Variants in ANKRD23 observed in about 807,000 individuals in gnomAD.
ANKRD23 encodes ankyrin repeat domain-containing protein 23.
ANKRD23 carries 52 observed loss-of-function variants against 38.1 expected under a neutral mutation model. The observed-to-expected ratio is 1.36, with a 90% CI of 1.09 to 1.72. The LOEUF is 1.72. Among genes scored for constraint, ANKRD23 ranks in the 40% most tolerant of loss-of-function variants. The pLI, the probability that ANKRD23 is intolerant of heterozygous loss-of-function variation, is 0.00. For missense variants in ANKRD23, 416 were observed against 400.2 expected (o/e 1.04, Z -0.34); for synonymous variants, 167 against 162.9 (o/e 1.03, Z -0.19).
chr2:96,839,281 G>C lies in ANKRD23; in HGVS notation c.*268C>G. 8.3e-7 allele frequency: 1 copy of C among 1,208,348 alleles called. No homozygotes were observed. The allele number at this position is 1,208,348 out of a possible 1,614,324, so 74.9% of individuals were successfully genotyped here. A position where few individuals can be genotyped will look rare whatever the true frequency, so the allele number is the denominator to read the frequency against. On this transcript the variant is annotated 3_prime_UTR_variant, in exon 9 of 9. Coordinates refer to ENST00000318357, the MANE Select transcript of ANKRD23 (RefSeq NM_144994.8). ...CTCCTCCCCTTCCTGGCCCTCATCTGGACCCGCGCTTTCTGCTGCCTTGTG... is the reference window on the plus strand; with the variant it reads ...CTCCTCCCCTTCCTGGCCCTCATCTCGACCCGCGCTTTCTGCTGCCTTGTG...
In ANKRD23 at chr2:96,842,385, C is replaced by G; in HGVS notation, c.154G>C (p.Glu52Gln). 1 of 1,532,332 alleles carries G rather than the reference C, an allele frequency of 6.5e-7. No individual in the cohort carries two copies. The highest frequency in any genetic ancestry group is 8.9e-7 in the Non-Finnish European group (1 of 1,127,130). The allele number at this position is 1,532,332 out of a possible 1,614,324, so 94.9% of individuals were successfully genotyped here. Residue 52 changes from glutamate to glutamine, a missense_variant, in exon 2 of 9, where the codon GAA becomes CAA. Glu to Gln is a conservative substitution (Grantham distance 29). Coordinates refer to ENST00000318357, the MANE Select transcript of ANKRD23 (RefSeq NM_144994.8). ...EAVAREKLKL[E>Q]EEKKKKLERF... ...CTCACTTTCTTCTTCTTCTCTTCTT[C>G]CAATTTCAGCTTCTCCCGGGCCACA...
rs992243240 is a variant in ANKRD23 at position 96,839,399 on chromosome 2, C to T, written c.*150G>A. 3.1e-6 allele frequency: 4 copies of T among 1,276,040 alleles called. No homozygotes were observed. The highest frequency in any genetic ancestry group is 3.9e-6 in the Non-Finnish European group (4 of 1,014,810). The allele number at this position is 1,276,040 out of a possible 1,614,324, so 79.0% of individuals were successfully genotyped here. ...TTTGCCTGCTGGGCCCGGTGCCGCT[C>T]TTCAGTTCTGCCAGGGCTGCTGAGG... On this transcript the variant is annotated 3_prime_UTR_variant, in exon 9 of 9. Transcript: ENST00000318357.
In ANKRD23 at chr2:96,840,850, C is replaced by T; in HGVS notation, c.363G>A (p.Glu121=). The change falls in exon 4 of 9, where the codon GAG becomes GAA. Residue 121 remains glutamate, a synonymous_variant. Transcript: ENST00000318357. Reference sequence around the variant, plus strand: ...ACTTGTCAATCAGGTACTCCTGGTTCTCAGCAGCTGCCTTCAGGAACATCT... The same window carrying T: ...ACTTGTCAATCAGGTACTCCTGGTTTTCAGCAGCTGCCTTCAGGAACATCT... ...GLEMFLKAAA[E]NQEYLIDKYL... 6.2e-7 allele frequency: 1 copy of T among 1,614,220 alleles called. No individual in the cohort carries two copies. Among genetic ancestry groups the T allele is most frequent in the Non-Finnish European group, 8.5e-7 (1 of 1,180,034 alleles).
At chr2:96,841,113 G>T in intron 3 of ANKRD23, 1 of 593,354 alleles carries the variant, frequency 1.7e-6, no homozygotes. Flanking sequence ...GTTATGGATT[G>T]ACTTGTATCT....
rs1468596936 is a variant in ANKRD23 at position 96,841,926 on chromosome 2, CTG to C, written c.300+132_300+133del. ...CCTGGCGGACACATCCGCGGGGGCTCTGGAGTGGATTTAATGGGCTCCCCAGG... is the reference window on the plus strand; with the variant it reads ...CCTGGCGGACACATCCGCGGGGGCTCGAGTGGATTTAATGGGCTCCCCAGG... On this transcript the variant is annotated intron_variant, in intron 3 of 8. Transcript: ENST00000318357. 1.1e-5 allele frequency: 15 copies of C among 1,322,890 alleles called. No homozygotes were observed. The East Asian group carries it at 3.3e-4, about 29-fold the overall frequency. The allele number at this position is 1,322,890 out of a possible 1,614,324, so 81.9% of individuals were successfully genotyped here.
chr2:96,843,179 G>A (rs553032909), intron 1 of ANKRD23, among the ~76,000 whole-genome samples: 1 of 152,304 alleles, frequency 6.6e-6, no homozygotes, highest in Non-Finnish European at 1.5e-5. Flanking sequence ...AGAACAGGGT[G>A]GAATGATAGG....
intron 2 of ANKRD23, 43 bp from the exon 3 acceptor site, chr2:96,842,228 C>T (rs1403435654): frequency 6.2e-7 from 1 of 1,612,692 alleles, no homozygotes. Flanking sequence ...AGCCGCTGGT[C>T]AAGAGATCTC....
chr2:96,839,677 G>A (rs1284574568), intron 8 of ANKRD23, 33 bp from the exon 9 acceptor site: 2 of 1,586,670 alleles, frequency 1.3e-6, no homozygotes, highest in East Asian at 2.3e-5. Context: ...GTCCCTTGCA[G>A]GCGCTCCACC....
chr2:96,838,536 T>A lies in ANKRD23; in HGVS notation c.*1013A>T, dbSNP rs1416992113. ...CCCTGTGGGCTGGGTTCAGAGCTCC[T>A]CAGTGTCCTGGCCTCCCAGGTGGGA... is the stretch of plus-strand genomic sequence containing the variant. On this transcript the variant is annotated 3_prime_UTR_variant, in exon 9 of 9. Coordinates refer to ENST00000318357, the MANE Select transcript of ANKRD23 (RefSeq NM_144994.8). 1.0e-6 allele frequency: 1 copy of A among 985,736 alleles called. No homozygotes were observed. The highest frequency in any genetic ancestry group is 1.2e-6 in the Non-Finnish European group (1 of 830,264). The allele number at this position is 985,736 out of a possible 1,614,324, so 61.1% of individuals were successfully genotyped here.
intron 8 of ANKRD23, 37 bp from the exon 9 acceptor site, chr2:96,839,681 C>T: frequency 1.3e-6 from 2 of 1,589,468 alleles, no homozygotes; most frequent in South Asian, 1.1e-5. Context: ...CTTGCAGGCG[C>T]TCCACCCGCC....
In ANKRD23 at chr2:96,838,768, G is replaced by C; in HGVS notation, c.*781C>G. On this transcript the variant is annotated 3_prime_UTR_variant, in exon 9 of 9. Transcript: ENST00000318357. ...ACGGTGTGCCAGGCCGGCCTGAGCG[G>C]GGCCAGTACACAGTGGGTGCGAGGC... 1 of 985,596 alleles carries C rather than the reference G, an allele frequency of 1.0e-6. No individual in the cohort carries two copies. Among genetic ancestry groups the C allele is most frequent in the Non-Finnish European group, 1.2e-6 (1 of 830,060 alleles). 61.1% of individuals were successfully genotyped at this position (985,596 alleles called of 1,614,324 possible).
rs1265323588 is a variant in ANKRD23 at position 96,839,801 on chromosome 2, C to T, written c.748G>A (p.Ala250Thr). The T allele has an allele frequency of 6.2e-7, 1 of 1,613,172 alleles. No individual in the cohort carries two copies. Among genetic ancestry groups the T allele is most frequent in the Admixed American group, 1.7e-5 (1 of 60,016 alleles). ...GCTTTGTAGCTGCCGTGCCGCACGG[C>T]CTCGTGCAGAGCCGTGTCCCCTTCC... ...DKEGDTALHEAVRHGSYKAMK... is the reference protein window; with the variant it reads ...DKEGDTALHETVRHGSYKAMK... Residue 250 changes from alanine (A) to threonine (T), a missense_variant, in exon 8 of 9, where the codon GCC (alanine) becomes ACC (threonine). Ala to Thr is a moderately conservative substitution (Grantham distance 58, BLOSUM62 0). Coordinates refer to ENST00000318357, the MANE Select transcript of ANKRD23 (RefSeq NM_144994.8).
In ANKRD23 at chr2:96,838,457, C is replaced by T; in HGVS notation, c.*1092G>A. ...CTTGGGTCCTTAGACCACCAGGGAG[C>T]AGGGAAGGGATGGGAAGGGCTGGGG... On this transcript the variant is annotated 3_prime_UTR_variant, in exon 9 of 9. Coordinates refer to ENST00000318357, the MANE Select transcript of ANKRD23 (RefSeq NM_144994.8). 1.0e-6 allele frequency: 1 copy of T among 987,774 alleles called. No individual in the cohort carries two copies. Among genetic ancestry groups the T allele is most frequent in the Non-Finnish European group, 1.2e-6 (1 of 830,276 alleles). 61.2% of individuals were successfully genotyped at this position (987,774 alleles called of 1,614,324 possible). A position where few individuals can be genotyped will look rare whatever the true frequency, so the allele number is the denominator to read the frequency against.
chr2:96,841,262 T>A (rs1208632096), intron 3 of ANKRD23: 2 of 223,340 alleles, frequency 9.0e-6, no homozygotes, highest in Admixed American at 5.3e-5. Context: ...TGACTTGTGT[T>A]AAAGTGGGCT....
Position 96,840,036 on chromosome 2 carries a change from G to A in ANKRD23, c.684C>T (p.His228=). The A allele has an allele frequency of 6.4e-7, 1 of 1,562,428 alleles. No individual in the cohort carries two copies. Among genetic ancestry groups the A allele is most frequent in the Non-Finnish European group, 8.7e-7 (1 of 1,152,632 alleles). ...TCAGGTGGGCGCCACACTCGATGAGGTGCTCCAGGCAGTCGGGGTGCCGGG... is the reference window on the plus strand; with the variant it reads ...TCAGGTGGGCGCCACACTCGATGAGATGCTCCAGGCAGTCGGGGTGCCGGG... The part of the protein sequence containing the change: ...VRTRHPDCLE[H]LIECGAHLNA... The change falls in exon 7 of 9, where the codon CAC becomes CAT. Residue 228 remains histidine, a synonymous_variant. Transcript: ENST00000318357.
At chr2:96,840,715 G>T (rs930084490) in intron 4 of ANKRD23, 72 bp downstream of exon 4, 2 of 1,600,544 alleles carry the variant, frequency 1.2e-6, no homozygotes, top group Admixed American at 1.7e-5. Flanking sequence ...CCTAGGCCAG[G>T]ACTTGAACAC....
At chr2:96,841,478 G>C (rs903612906) in intron 3 of ANKRD23, among the ~76,000 whole-genome samples, 13 of 151,392 alleles carry the variant, frequency 8.6e-5, no homozygotes, top group African/African-American at 3.2e-4. Context: ...GGGTGCCTGT[G>C]GTCCCAGCTA....
Position 96,839,483 on chromosome 2 carries a change from C to A in ANKRD23, c.*66G>T. 1.4e-6 allele frequency: 2 copies of A among 1,395,570 alleles called. No homozygotes were observed. The highest frequency in any genetic ancestry group is 1.9e-6 in the Non-Finnish European group (2 of 1,080,516). The allele number at this position is 1,395,570 out of a possible 1,614,324, so 86.4% of individuals were successfully genotyped here. A position where few individuals can be genotyped will look rare whatever the true frequency, so the allele number is the denominator to read the frequency against. On this transcript the variant is annotated 3_prime_UTR_variant, in exon 9 of 9. Transcript: ENST00000318357. ...AGGGCAGGAACCACAGAGGTGCAGACGCGGGGGCGGGGCACAGGATGGAAT... is the reference window on the plus strand; with the variant it reads ...AGGGCAGGAACCACAGAGGTGCAGAAGCGGGGGCGGGGCACAGGATGGAAT...
At chr2:96,842,614 C>G in intron 1 of ANKRD23, 103 bp from the exon 2 acceptor site, 13 of 1,394,876 alleles carry the variant, frequency 9.3e-6, no homozygotes, top group Non-Finnish European at 1.2e-5. Context: ...GCAGATGTCA[C>G]AAGGCTGGTG....
Sources: allele counts gnomAD v4.1 joint callset (sites outside exome capture counted in the v4.1 genomes callset), GRCh38; gene constraint gnomAD v4.1.1; transcripts MANE v1.5; gene names NCBI Gene and HGNC (gene_info 2026-07-23, HGNC 2026-07-21).